Variants in ADGRF5 observed in about 807,000 individuals in gnomAD.
ADGRF5 encodes adhesion G protein-coupled receptor F5, also known as G-protein coupled receptor 116.
Under a neutral mutation model 132.3 loss-of-function variants are expected in ADGRF5, and 75 were observed. The observed-to-expected ratio is 0.57, with a 90% CI of 0.47 to 0.69. The LOEUF (loss-of-function observed/expected upper bound fraction) is 0.69. ADGRF5 is among the 30% of genes least tolerant of loss of function. ADGRF5 has a pLI of 0.00. For synonymous variants in ADGRF5, 629 were observed against 597.6 expected, an observed-to-expected ratio of 1.05 and a Z score of -0.77; for missense variants, 1,516 against 1,630.6, an observed-to-expected ratio of 0.93 and a Z score of 1.21.
At chr6:46,877,318 CTTCCTTCTTTCT>C (rs1384084780) in intron 10 of ADGRF5, among the ~76,000 whole-genome samples, 37 of 21,632 alleles carry the variant, frequency 1.7e-3, no homozygotes, top group South Asian at 8.9e-3. Context: ...TCCTTCCTTC[CTTCCTTCTTTCT>C]TTCTTTCTTT....
intron 1 of ADGRF5, among the ~76,000 whole-genome samples, chr6:46,909,258 A>C (rs1436737938): frequency 6.6e-6 from 1 of 152,204 alleles, no homozygotes; most frequent in Non-Finnish European, 1.5e-5. Context: ...TCCTGGAGTA[A>C]ACGGCAGACA....
At chr6:46,877,300 TCTC>T (rs1562174922) in intron 10 of ADGRF5, among the ~76,000 whole-genome samples, 58 of 98,998 alleles carry the variant, frequency 5.9e-4, no homozygotes, top group Middle Eastern at 4.6e-3. Flanking sequence ...TCTCTCTCTC[TCTC>T]TCTTTCCTTC....
chr6:46,937,221 AGTGTGT>A (rs10558166), intron 1 of ADGRF5, among the ~76,000 whole-genome samples: 289 of 146,784 alleles, frequency 2.0e-3, no homozygotes, highest in Middle Eastern at 0.017. Flanking sequence ...GGCAATAAGG[AGTGTGT>A]GTGTGTGTGT....
chr6:46,924,672 C>A (rs1386951593), upstream of ADGRF5, among the ~76,000 whole-genome samples: 1 of 152,124 alleles, frequency 6.6e-6, no homozygotes, highest in Non-Finnish European at 1.5e-5. Context: ...GTTCAATAGG[C>A]CCTCAAACAG....
intron 1 of ADGRF5, among the ~76,000 whole-genome samples, chr6:46,954,420 C>G (rs1778645561): frequency 6.7e-6 from 1 of 150,112 alleles, no homozygotes; most frequent in Admixed American, 6.6e-5. Flanking sequence ...TAAAAATTAC[C>G]CCTTATGCAG....
At chr6:46,864,526 ATT>A (rs200329634) in intron 14 of ADGRF5, among the ~76,000 whole-genome samples, 3,828 of 141,542 alleles carry the variant, frequency 0.027, 116 homozygotes, top group African/African-American at 0.079. Context: ...ACATGTAATA[ATT>A]TTTTTTTTTT....
chr6:46,927,087 C>T lies in ADGRF5; in HGVS notation c.-24-20301G>A, dbSNP rs77554466. ...ATACCATCTCCCATCCAAATTCCAT[C>T]ATTCTATGCTATTTTCAGTGCTTCA... On this transcript the variant is annotated intron_variant, in intron 1 of 20. Transcript: ENST00000265417. 8.0e-3 allele frequency among the ~76,000 whole-genome samples: 1,222 copies of T among 152,256 alleles called. 9 individuals carry two copies. The highest frequency in any genetic ancestry group is 0.014 in the Non-Finnish European group (958 of 68,018).
intron 11 of ADGRF5, 149 bp downstream of exon 11, chr6:46,871,694 T>C (rs941355675): frequency 1.3e-5 from 6 of 467,608 alleles, no homozygotes; most frequent in African/African-American, 6.0e-5. Flanking sequence ...GAAATCCTTT[T>C]CTATCTCCCA....
intron 1 of ADGRF5, among the ~76,000 whole-genome samples, chr6:46,954,340 A>G (rs1778642800): frequency 6.6e-6 from 1 of 152,088 alleles, no homozygotes; most frequent in African/African-American, 2.4e-5. Flanking sequence ...TATTTAACTG[A>G]AAACCTCAGA....
At chr6:46,859,949 C>A (rs1769544624) in intron 16 of ADGRF5, among the ~76,000 whole-genome samples, 1 of 152,012 alleles carries the variant, frequency 6.6e-6, no homozygotes, top group Non-Finnish European at 1.5e-5. Flanking sequence ...CTCGGCCTCC[C>A]AAAATGCCTG....
chr6:46,878,453 T>C, intron 9 of ADGRF5, 48 bp from the exon 10 acceptor site: 1 of 1,132,714 alleles, frequency 8.8e-7, no homozygotes, highest in Non-Finnish European at 1.3e-6. Flanking sequence ...CATGTGTATT[T>C]TCTTAGAGGA....
chr6:46,859,826 T>TTTATTTTATTTTATTTTA, intron 16 of ADGRF5, among the ~76,000 whole-genome samples: 1 of 149,118 alleles, frequency 6.7e-6, no homozygotes, highest in East Asian at 2.0e-4. Flanking sequence ...ACTATTTTAT[T>TTTATTTTATTTTATTTTA]TTATTTTATT....
At chr6:46,896,729 G>A (rs979761629) in intron 3 of ADGRF5, among the ~76,000 whole-genome samples, 18 of 150,520 alleles carry the variant, frequency 1.2e-4, no homozygotes, top group Admixed American at 6.0e-4. Flanking sequence ...ATATATATAT[G>A]TAATATAATA....
intron 2 of ADGRF5, among the ~76,000 whole-genome samples, chr6:46,905,908 A>G (rs1046127280): frequency 4.6e-5 from 7 of 152,212 alleles, no homozygotes; most frequent in Admixed American, 1.3e-4. Flanking sequence ...TTTCATAACA[A>G]TAAAAGGAAA....
intron 1 of ADGRF5, among the ~76,000 whole-genome samples, chr6:46,944,437 C>T (rs1335809241): frequency 3.3e-5 from 5 of 152,168 alleles, no homozygotes; most frequent in Non-Finnish European, 7.4e-5. Context: ...GACTCTTGTT[C>T]TAAGGTGCTG....
At chr6:46,952,184 A>G (rs535521199) in intron 1 of ADGRF5, among the ~76,000 whole-genome samples, 3 of 152,344 alleles carry the variant, frequency 2.0e-5, no homozygotes, top group African/African-American at 7.2e-5. Flanking sequence ...CTGTCTTTCT[A>G]TTGAACCACA....
Position 46,861,466 on chromosome 6 carries a change from C to T in ADGRF5, c.2200-572G>A, listed in dbSNP as rs570315504. 1.4e-3 allele frequency among the ~76,000 whole-genome samples: 217 copies of T among 152,312 alleles called. 1 individual carries two copies. The highest frequency in any genetic ancestry group is 5.1e-3 in the African/African-American group (213 of 41,572). On this transcript the variant is annotated intron_variant, in intron 15 of 20. Coordinates refer to ENST00000283296, the MANE Select transcript of ADGRF5 (RefSeq NM_001098518.2). ...TCTCTTACTTAATCGTATAGAATAG[C>T]TCAAATTCTGTCTTCTACGAAAAGC... is the stretch of plus-strand genomic sequence containing the variant.
At chr6:46,891,982 G>C (rs1053036455) in intron 3 of ADGRF5, among the ~76,000 whole-genome samples, 4 of 152,080 alleles carry the variant, frequency 2.6e-5, no homozygotes, top group Non-Finnish European at 5.9e-5. Flanking sequence ...GATATGGATG[G>C]GGAACCTCGA....
intron 1 of ADGRF5, among the ~76,000 whole-genome samples, chr6:46,948,096 C>T (rs545779314): frequency 6.6e-6 from 1 of 152,166 alleles, no homozygotes; most frequent in Non-Finnish European, 1.5e-5. Context: ...AATGCAGTGA[C>T]CTTCCCCAGG....
Sources: gnomAD v4.1 joint callset for allele counts (sites outside exome capture counted in the v4.1 genomes callset) on GRCh38, gnomAD v4.1.1 for gene constraint, MANE v1.5 for transcripts, NCBI Gene and HGNC (gene_info 2026-07-23, HGNC 2026-07-21) for gene names.